Variants in HSD17B4 observed in about 807,000 individuals in gnomAD.
The protein encoded by HSD17B4 is peroxisomal multifunctional enzyme type 2.
In HSD17B4, 70 loss-of-function variants were observed where a neutral mutation model predicts 101.0. That is an observed-to-expected ratio of 0.69 (90% CI 0.57 to 0.85). HSD17B4 has a LOEUF of 0.85. Ranked by LOEUF, HSD17B4 falls within the 40% of genes least tolerant of loss-of-function variation. The pLI is 0.00. For missense variants in HSD17B4, 984 were observed against 892.4 expected (o/e 1.10, Z -1.31); for synonymous variants, 347 against 297.1 (o/e 1.17, Z -1.73).
At chr5:119,492,235 T>C in intron 10 of HSD17B4, 111 bp downstream of exon 10, 3 of 812,646 alleles carry the variant, frequency 3.7e-6, no homozygotes, top group South Asian at 2.7e-5. Flanking sequence ...TTGGATATAG[T>C]GCTTGCATAT....
chr5:119,456,376 G>A lies in HSD17B4; in HGVS notation c.112+8G>A, dbSNP rs770343200. 2.5e-5 allele frequency: 39 copies of A among 1,584,786 alleles called. No individual in the cohort carries two copies. Among genetic ancestry groups the A allele is most frequent in the Non-Finnish European group, 3.1e-5 (36 of 1,153,446 alleles). ...GAGGAGCGTTAGTTGTTGGTAAGTT[G>A]GTGTGTTTTTCTTTTTAATCTGTAG... On this transcript the variant is annotated splice_region_variant and intron_variant, in intron 2 of 23. Coordinates refer to ENST00000510025, the MANE Select transcript of HSD17B4 (RefSeq NM_000414.4).
In HSD17B4 at chr5:119,505,656, T is replaced by C. The variant is rs375722914; in HGVS notation, c.1262-1162T>C. On this transcript the variant is annotated intron_variant, in intron 14 of 23. Coordinates refer to ENST00000510025, the MANE Select transcript of HSD17B4 (RefSeq NM_000414.4). ...GGAGCCTTTTGGTAGATGGAGTCTT[T>C]AGTGTTCTCTAGGTATAGAATGATA... Among the ~76,000 whole-genome samples the C allele has an allele frequency of 3.3e-5, 5 of 152,306 alleles. No individual in the cohort carries two copies. The East Asian group carries it at 9.6e-4, about 29-fold the overall frequency.
intron 8 of HSD17B4, among the ~76,000 whole-genome samples, chr5:119,480,454 A>C (rs1749016389): frequency 6.6e-6 from 1 of 152,108 alleles, no homozygotes; most frequent in Non-Finnish European, 1.5e-5. Flanking sequence ...AGCCACAAAA[A>C]CCAGCAAGTT....
rs1750433602 is a variant in HSD17B4, at chr5:119,494,373, C to CTTTCTTTCTT, written c.868+429_868+438dup. On this transcript the variant is annotated intron_variant, in intron 11 of 23. Coordinates refer to ENST00000510025, the MANE Select transcript of HSD17B4 (RefSeq NM_000414.4). ...TCTTTCTTTCTTTCTTTCTTTCTTT[C>CTTTCTTTCTT]TTTCTTTCTTTCTTTCTCAAAAAGA... is the stretch of plus-strand genomic sequence containing the variant. Among the ~76,000 whole-genome samples the CTTTCTTTCTT allele has an allele frequency of 2.8e-5, 4 of 144,890 alleles. No homozygotes were observed. The Admixed American group carries it at 2.8e-4, about 10-fold the overall frequency.
At chr5:119,525,789 T>G (rs1469613598) in intron 18 of HSD17B4, 128 bp from the exon 19 acceptor site, 3 of 685,332 alleles carry the variant, frequency 4.4e-6, no homozygotes, top group Non-Finnish European at 8.0e-6. Flanking sequence ...CTACTGTGTT[T>G]CTTAAAATAG....
At chr5:119,469,210 C>T (rs1451156286) in intron 2 of HSD17B4, among the ~76,000 whole-genome samples, 1 of 151,192 alleles carries the variant, frequency 6.6e-6, no homozygotes, top group African/African-American at 2.4e-5. Context: ...AATTCCCTTT[C>T]AGGAATTTCG....
At chr5:119,479,136 C>A in intron 8 of HSD17B4, 115 bp downstream of exon 8, 6 of 797,260 alleles carry the variant, frequency 7.5e-6, no homozygotes, top group Non-Finnish European at 1.0e-5. Flanking sequence ...TTTTCAATTT[C>A]GAAAGCATTA....
At chr5:119,519,468 G>A (rs1007933628) in intron 17 of HSD17B4, among the ~76,000 whole-genome samples, 2 of 152,174 alleles carry the variant, frequency 1.3e-5, no homozygotes, top group African/African-American at 4.8e-5. Context: ...CTTCTAGTGG[G>A]AGATCTTTGC....
intron 8 of HSD17B4, among the ~76,000 whole-genome samples, chr5:119,485,111 C>G (rs1749496845): frequency 6.6e-6 from 1 of 152,064 alleles, no homozygotes; most frequent in Non-Finnish European, 1.5e-5. Context: ...AACTTTGTAC[C>G]TTCTTTCTAC....
intron 19 of HSD17B4, 104 bp downstream of exon 19, chr5:119,526,127 G>C (rs1418025359): frequency 5.4e-6 from 4 of 744,566 alleles, no homozygotes; most frequent in Non-Finnish European, 9.7e-6. Context: ...TTGTACTACA[G>C]CAATGTACAT....
At chr5:119,527,800 A>T (rs1753736570) in intron 20 of HSD17B4, among the ~76,000 whole-genome samples, 1 of 152,140 alleles carries the variant, frequency 6.6e-6, no homozygotes, top group South Asian at 2.1e-4. Flanking sequence ...CTGGACAGAA[A>T]TCATATGCAT....
chr5:119,514,526 G>T (rs1752445458), intron 16 of HSD17B4, among the ~76,000 whole-genome samples: 1 of 152,086 alleles, frequency 6.6e-6, no homozygotes. Flanking sequence ...GGCATTAAGG[G>T]ATCATAATAA....
At chr5:119,517,457 G>T (rs1240739802) in intron 17 of HSD17B4, among the ~76,000 whole-genome samples, 7 of 152,204 alleles carry the variant, frequency 4.6e-5, no homozygotes, top group Non-Finnish European at 1.0e-4. Context: ...ACGGCGCCCA[G>T]TCCCATCGAC....
At chr5:119,499,736 C>A in intron 13 of HSD17B4, 183 bp downstream of exon 13, 1 of 387,250 alleles carries the variant, frequency 2.6e-6, no homozygotes, top group Non-Finnish European at 4.5e-6. Flanking sequence ...AGAGTTAGTT[C>A]AAAATGCCAG....
At chr5:119,540,470 C>T (rs575061389) in intron 23 of HSD17B4, among the ~76,000 whole-genome samples, 1 of 152,252 alleles carries the variant, frequency 6.6e-6, no homozygotes, top group East Asian at 1.9e-4. Context: ...GATATTTTTA[C>T]TTCTAGTAAT....
intron 12 of HSD17B4, among the ~76,000 whole-genome samples, chr5:119,498,150 G>A (rs1750819292): frequency 6.6e-6 from 1 of 152,160 alleles, no homozygotes; most frequent in African/African-American, 2.4e-5. Flanking sequence ...TAAATCATAT[G>A]CCATATTAGA....
chr5:119,513,139 G>C (rs1162935126), intron 16 of HSD17B4, among the ~76,000 whole-genome samples: 1 of 152,150 alleles, frequency 6.6e-6, no homozygotes, highest in African/African-American at 2.4e-5. Context: ...ACGTGAAGTT[G>C]TATCTATTCA....
intron 17 of HSD17B4, among the ~76,000 whole-genome samples, chr5:119,522,109 C>T (rs1020073442): frequency 4.6e-5 from 7 of 151,928 alleles, no homozygotes; most frequent in Non-Finnish European, 8.8e-5. Context: ...CAACAGGCCC[C>T]GGTGTGTGAT....
intron 11 of HSD17B4, among the ~76,000 whole-genome samples, chr5:119,494,816 G>C (rs926548797): frequency 3.3e-4 from 50 of 152,112 alleles, no homozygotes; most frequent in African/African-American, 1.2e-3. Flanking sequence ...TTATTAACTT[G>C]AATTATTTAA....
Sources: allele counts gnomAD v4.1 joint callset (sites outside exome capture counted in the v4.1 genomes callset), GRCh38; gene constraint gnomAD v4.1.1; transcripts MANE v1.5; gene names NCBI Gene and HGNC (gene_info 2026-07-23, HGNC 2026-07-21).